The following SLC5A8 variants were observed in gnomAD, a reference collection of about 807,000 sequenced individuals.
The protein encoded by SLC5A8 is solute carrier family 5 member 8.
Under a neutral mutation model 71.9 loss-of-function variants are expected in SLC5A8, and 55 were observed. That is an observed-to-expected ratio of 0.77 (90% CI 0.62 to 0.96). SLC5A8 has a LOEUF of 0.96. Among genes scored for constraint, SLC5A8 ranks in the 40% least tolerant of loss-of-function variants. The pLI is 0.00. For missense variants in SLC5A8, 701 were observed against 745.3 expected (o/e 0.94, Z 0.69); for synonymous variants, 307 against 276.1 (o/e 1.11, Z -1.11).
intron 10 of SLC5A8, among the ~76,000 whole-genome samples, chr12:101,169,245 A>C (rs1482649958): frequency 1.3e-5 from 2 of 152,224 alleles, no homozygotes; most frequent in African/African-American, 4.8e-5. Context: ...AAAAGATTAC[A>C]AGAGGAAATA....
intron 5 of SLC5A8, among the ~76,000 whole-genome samples, chr12:101,193,326 A>G (rs928328305): frequency 6.6e-6 from 1 of 151,978 alleles, no homozygotes; most frequent in Non-Finnish European, 1.5e-5. Context: ...ACCCTGTCCC[A>G]CTTTTCAACC....
intron 12 of SLC5A8, among the ~76,000 whole-genome samples, chr12:101,163,723 C>T (rs1021402529): frequency 5.3e-5 from 8 of 152,172 alleles, no homozygotes; most frequent in African/African-American, 1.9e-4. Flanking sequence ...GAGGGGAACA[C>T]ATTGAGTTGA....
chr12:101,158,350 A>G (rs369781454), intron 13 of SLC5A8, 22 bp from the exon 14 acceptor site: 14 of 1,500,778 alleles, frequency 9.3e-6, no homozygotes, highest in Non-Finnish European at 1.3e-5. Flanking sequence ...AATGTACATG[A>G]CTTACGTTGT....
At position 101,209,783 on chromosome 12, in the gene SLC5A8, C is replaced by G. The variant is rs1869845670; in HGVS notation, c.66G>C (p.Leu22=). 1.2e-6 allele frequency: 2 copies of G among 1,608,424 alleles called. No homozygotes were observed. The highest frequency in any genetic ancestry group is 8.5e-7 in the Non-Finnish European group (1 of 1,177,204). Residue 22 remains leucine, a synonymous_variant, in exon 1 of 15, where the codon CTG becomes CTC. Coordinates refer to ENST00000536262, the MANE Select transcript of SLC5A8 (RefSeq NM_145913.5). ...VWDYVVFAGM[L]VISAAIGIYY... Reference sequence around the variant, plus strand: ...AGATGCCGATGGCGGCCGAGATGACCAGCATGCCCGCGAACACCACGTAGT... The same window carrying G: ...AGATGCCGATGGCGGCCGAGATGACGAGCATGCCCGCGAACACCACGTAGT...
intron 10 of SLC5A8, among the ~76,000 whole-genome samples, chr12:101,176,359 T>C (rs939186263): frequency 6.6e-6 from 1 of 152,052 alleles, no homozygotes; most frequent in Non-Finnish European, 1.5e-5. Flanking sequence ...TACACAATTA[T>C]AGTTGAAGAA....
At chr12:101,164,699 T>C (rs1253882135) in intron 12 of SLC5A8, among the ~76,000 whole-genome samples, 2 of 151,726 alleles carry the variant, frequency 1.3e-5, no homozygotes, top group East Asian at 3.9e-4. Context: ...CTCCAGCCCA[T>C]GCAATTCTCC....
At chr12:101,188,547 T>C (rs554198214) in intron 6 of SLC5A8, among the ~76,000 whole-genome samples, 14 of 152,308 alleles carry the variant, frequency 9.2e-5, no homozygotes, top group Admixed American at 7.2e-4. Flanking sequence ...GGGACTAGTC[T>C]GAAGAGCCAC....
intron 2 of SLC5A8, 31 bp downstream of exon 2, chr12:101,204,469 C>A: frequency 6.4e-7 from 1 of 1,554,946 alleles, no homozygotes. Context: ...TTTTAGCTGA[C>A]AAAAGATAAA....
intron 10 of SLC5A8, among the ~76,000 whole-genome samples, chr12:101,179,597 GA>G (rs2051912952): frequency 1.3e-5 from 2 of 152,318 alleles, no homozygotes; most frequent in South Asian, 4.2e-4. Context: ...TATAGAAATG[GA>G]AAACAGATTA....
chr12:101,185,569 G>GT (rs548225360), intron 7 of SLC5A8, among the ~76,000 whole-genome samples: 3 of 151,894 alleles, frequency 2.0e-5, no homozygotes, highest in Non-Finnish European at 4.4e-5. Flanking sequence ...AGGATAAGGG[G>GT]TTTTTTTGTA....
At chr12:101,180,488 G>T (rs1274087601) in intron 9 of SLC5A8, among the ~76,000 whole-genome samples, 1 of 152,164 alleles carries the variant, frequency 6.6e-6, no homozygotes, top group Non-Finnish European at 1.5e-5. Flanking sequence ...GCTCTGCTCT[G>T]TACAAGGTGA....
intron 6 of SLC5A8, 26 bp downstream of exon 6, chr12:101,190,442 T>C: frequency 1.2e-6 from 2 of 1,606,310 alleles, no homozygotes; most frequent in Non-Finnish European, 1.7e-6. Context: ...TTATTAATGA[T>C]TCATATACCA....
chr12:101,200,276 C>T (rs752694444), intron 3 of SLC5A8, among the ~76,000 whole-genome samples: 28 of 151,918 alleles, frequency 1.8e-4, no homozygotes, highest in South Asian at 6.2e-4. Context: ...GAGTGGATGA[C>T]GGAAATAGTC....
Position 101,157,231 on chromosome 12 carries a change from C to T in SLC5A8, c.*48G>A. 1 of 1,587,772 alleles carries T rather than the reference C, an allele frequency of 6.3e-7. No individual in the cohort carries two copies. The highest frequency in any genetic ancestry group is 1.1e-5 in the South Asian group (1 of 88,098). On this transcript the variant is annotated 3_prime_UTR_variant, in exon 15 of 15. Coordinates refer to ENST00000536262, the MANE Select transcript of SLC5A8 (RefSeq NM_145913.5). ...AACCTGATCCAATTATCTTAGAAAA[C>T]ATATAAAATTGAAACATCATTTAAG... is the stretch of plus-strand genomic sequence containing the variant.
intron 11 of SLC5A8, among the ~76,000 whole-genome samples, chr12:101,166,913 G>A (rs904490144): frequency 1.1e-4 from 17 of 151,976 alleles, no homozygotes; most frequent in Non-Finnish European, 1.0e-4. Context: ...ATTGAGGCAG[G>A]GAGAGAAAAA....
intron 3 of SLC5A8, among the ~76,000 whole-genome samples, chr12:101,199,623 A>G (rs1869350806): frequency 6.6e-6 from 1 of 152,030 alleles, no homozygotes; most frequent in Non-Finnish European, 1.5e-5. Flanking sequence ...AATACCCACT[A>G]GAATGACTGA....
rs1566328644 is a variant in SLC5A8 at position 101,209,518 on chromosome 12, CCA to C, written c.329_330del (p.Leu110ArgfsTer14). 3 of 1,609,122 alleles carry C rather than the reference CCA, an allele frequency of 1.9e-6. No individual in the cohort carries two copies. The Admixed American group carries it at 5.1e-5, about 27-fold the overall frequency. ...AEVFLPVFYK[L>X]GITSTYEYLE... ...CTTACCTCGTAGGTGCTGGTAATTCCCAGTTTGTAGAACACCGGGAGGAAGAC... is the reference window on the plus strand; with the variant it reads ...CTTACCTCGTAGGTGCTGGTAATTCCGTTTGTAGAACACCGGGAGGAAGAC... On this transcript the variant is annotated frameshift_variant, in exon 1 of 15. Transcript: ENST00000536262. LOFTEE classifies it high-confidence loss of function.
intron 11 of SLC5A8, among the ~76,000 whole-genome samples, chr12:101,166,916 G>C (rs143461639): frequency 7.4e-4 from 112 of 152,004 alleles, no homozygotes; most frequent in African/African-American, 2.4e-3. Flanking sequence ...GAGGCAGGGA[G>C]AGAAAAAGGA....
At chr12:101,203,542 T>A (rs1401610518) in intron 2 of SLC5A8, among the ~76,000 whole-genome samples, 1 of 152,186 alleles carries the variant, frequency 6.6e-6, no homozygotes, top group Non-Finnish European at 1.5e-5. Flanking sequence ...AGATGGGGTT[T>A]CACCATGTTG....
Sources: allele counts gnomAD v4.1 joint callset (sites outside exome capture counted in the v4.1 genomes callset), GRCh38; gene constraint gnomAD v4.1.1; transcripts MANE v1.5; gene names NCBI Gene and HGNC (gene_info 2026-07-23, HGNC 2026-07-21).